The following NBEA variants were observed in gnomAD, a reference collection of about 807,000 sequenced individuals.
The protein encoded by NBEA is neurobeachin.
Under a neutral mutation model 343.4 loss-of-function variants are expected in NBEA, and 44 were observed. That is an observed-to-expected ratio of 0.13 (90% CI 0.10 to 0.16). NBEA has a LOEUF of 0.16. Ranked by LOEUF, NBEA falls within the 10% of genes least tolerant of loss-of-function variation. The pLI is 1.00. For synonymous variants in NBEA, 1,175 were observed against 1,238.7 expected, an observed-to-expected ratio of 0.95 and a Z score of 1.08; for missense variants, 2,555 against 3,631.3, an observed-to-expected ratio of 0.70 and a Z score of 7.62.
At chr13:35,002,873 G>T (rs762194653) in intron 1 of NBEA, among the ~76,000 whole-genome samples, 1 of 152,174 alleles carries the variant, frequency 6.6e-6, no homozygotes, top group Non-Finnish European at 1.5e-5. Context: ...GTGGTAGTCA[G>T]TTGGCGAGAG....
At chr13:35,631,594 AAG>A (rs1312548105) in intron 49 of NBEA, among the ~76,000 whole-genome samples, 2 of 150,444 alleles carry the variant, frequency 1.3e-5, no homozygotes, top group Non-Finnish European at 3.0e-5. Context: ...CTAATTTAAA[AAG>A]AGAAATATTT....
Position 35,123,585 on chromosome 13 carries a change from A to G in NBEA, c.2336+11A>G, listed in dbSNP as rs1347657936. The G allele has an allele frequency of 7.0e-7, 1 of 1,423,962 alleles. No individual in the cohort carries two copies. The allele number at this position is 1,423,962 out of a possible 1,614,324, so 88.2% of individuals were successfully genotyped here. The stretch of plus-strand genomic sequence containing the variant: ...GCATTTAGGTCACAAGTAAGTTGAT[A>G]TTTGTCATAATGCATTCTAGAAATA... On this transcript the variant is annotated intron_variant, in intron 17 of 58. Transcript: ENST00000379939.
intron 40 of NBEA, among the ~76,000 whole-genome samples, chr13:35,457,156 G>A (rs2046625583): frequency 6.6e-6 from 1 of 151,742 alleles, no homozygotes; most frequent in Admixed American, 6.6e-5. Context: ...ATCTCCTCCT[G>A]TTAAAAACCC....
chr13:35,463,913 C>T (rs1219088379), intron 40 of NBEA, among the ~76,000 whole-genome samples: 1 of 151,944 alleles, frequency 6.6e-6, no homozygotes, highest in Non-Finnish European at 1.5e-5. Flanking sequence ...AGATATATTT[C>T]CAGAAACTGC....
chr13:35,347,476 T>A (rs2039949451), intron 36 of NBEA, among the ~76,000 whole-genome samples: 1 of 152,078 alleles, frequency 6.6e-6, no homozygotes, highest in Non-Finnish European at 1.5e-5. Flanking sequence ...TGAAACCACT[T>A]CTTAAGCTTG....
At chr13:34,985,776 G>C (rs548560849) in intron 1 of NBEA, among the ~76,000 whole-genome samples, 1 of 150,708 alleles carries the variant, frequency 6.6e-6, no homozygotes, top group African/African-American at 2.4e-5. Flanking sequence ...AGGGTGTATT[G>C]TTCAGGAATT....
intron 10 of NBEA, among the ~76,000 whole-genome samples, chr13:35,080,404 A>T (rs2064332373): frequency 6.6e-6 from 1 of 152,132 alleles, no homozygotes; most frequent in Non-Finnish European, 1.5e-5. Flanking sequence ...GGTCTTACGT[A>T]TCTGATGGAA....
chr13:35,135,044 A>C (rs187447944), intron 17 of NBEA, among the ~76,000 whole-genome samples: 1 of 152,000 alleles, frequency 6.6e-6, no homozygotes, highest in Non-Finnish European at 1.5e-5. Context: ...TTTTCCATCA[A>C]TTAAAAAATG....
intron 1 of NBEA, among the ~76,000 whole-genome samples, chr13:35,034,379 A>T (rs764908435): frequency 2.0e-5 from 3 of 151,962 alleles, no homozygotes; most frequent in Non-Finnish European, 4.4e-5. Flanking sequence ...ATGATGGGTG[A>T]TCTTTCTAAT....
intron 56 of NBEA, among the ~76,000 whole-genome samples, chr13:35,667,147 A>G (rs188059542): frequency 6.6e-6 from 1 of 152,228 alleles, no homozygotes; most frequent in Non-Finnish European, 1.5e-5. Flanking sequence ...AAGACCAAGT[A>G]TCTACCTGGT....
intron 41 of NBEA, among the ~76,000 whole-genome samples, chr13:35,530,410 A>T (rs2078203199): frequency 6.6e-6 from 1 of 152,022 alleles, no homozygotes; most frequent in South Asian, 2.1e-4. Flanking sequence ...AGACAGGTTC[A>T]TTAGATGGTG....
intron 45 of NBEA, among the ~76,000 whole-genome samples, chr13:35,582,050 G>A (rs1045185716): frequency 1.3e-5 from 2 of 152,100 alleles, no homozygotes; most frequent in East Asian, 1.9e-4. Flanking sequence ...ACTTTGGGAG[G>A]CCCAGGCGGG....
chr13:35,226,359 C>T (rs1452047432), intron 33 of NBEA, among the ~76,000 whole-genome samples: 2 of 152,074 alleles, frequency 1.3e-5, no homozygotes, highest in African/African-American at 4.8e-5. Context: ...AGCCATCACC[C>T]CACAGTTCTC....
chr13:35,077,468 C>T (rs938455605), intron 10 of NBEA, among the ~76,000 whole-genome samples: 1 of 152,076 alleles, frequency 6.6e-6, no homozygotes, highest in Non-Finnish European at 1.5e-5. Flanking sequence ...AGTTACTTTC[C>T]TCCCTTTGAA....
intron 33 of NBEA, among the ~76,000 whole-genome samples, chr13:35,222,218 T>C (rs984515839): frequency 3.8e-4 from 58 of 152,264 alleles, no homozygotes; most frequent in African/African-American, 1.3e-3. Flanking sequence ...AATGTGTAAC[T>C]TTTTGGTAAT....
intron 36 of NBEA, among the ~76,000 whole-genome samples, chr13:35,321,592 G>A (rs1043523895): frequency 9.9e-5 from 15 of 152,046 alleles, no homozygotes; most frequent in African/African-American, 3.6e-4. Flanking sequence ...CACATGAGGA[G>A]GCACTCTGTC....
chr13:35,607,822 A>G (rs1187966945), intron 48 of NBEA, among the ~76,000 whole-genome samples: 1 of 152,140 alleles, frequency 6.6e-6, no homozygotes, highest in African/African-American at 2.4e-5. Flanking sequence ...TCAATTTAAG[A>G]GCATTTTTAT....
At chr13:35,095,092 G>A (rs573336097) in intron 10 of NBEA, among the ~76,000 whole-genome samples, 2 of 151,604 alleles carry the variant, frequency 1.3e-5, no homozygotes, top group South Asian at 4.2e-4. Flanking sequence ...CAGAACTTAG[G>A]TTTATATATT....
intron 41 of NBEA, among the ~76,000 whole-genome samples, chr13:35,492,137 T>C (rs1017261291): frequency 1.3e-5 from 2 of 151,902 alleles, no homozygotes; most frequent in Non-Finnish European, 2.9e-5. Flanking sequence ...AAGTGGGAGC[T>C]AAGCTTTGAG....
Sources: allele counts gnomAD v4.1 joint callset (sites outside exome capture counted in the v4.1 genomes callset), GRCh38; gene constraint gnomAD v4.1.1; transcripts MANE v1.5; gene names NCBI Gene and HGNC (gene_info 2026-07-23, HGNC 2026-07-21).